Variants in ADGRL3 observed in about 807,000 individuals in gnomAD.
ADGRL3 encodes adhesion G protein-coupled receptor L3, also known as calcium-independent alpha-latrotoxin receptor 3.
ADGRL3 carries 62 observed loss-of-function variants against 153.5 expected under a neutral mutation model. The ratio of observed to expected loss-of-function variants is 0.40; its 90% CI spans 0.33 to 0.50. The LOEUF (loss-of-function observed/expected upper bound fraction) is 0.50, where lower values mean the gene tolerates loss of function less well. ADGRL3 is among the 20% of genes least tolerant of loss of function. The probability of loss-of-function intolerance (pLI) is 0.47; values close to 1 mark genes in which losing one functional copy is unlikely to be tolerated. For missense variants in ADGRL3, 1,641 were observed against 1,859.4 expected (o/e 0.88, Z 2.16); for synonymous variants, 710 against 672.5 (o/e 1.06, Z -0.86).
intron 1 of ADGRL3, among the ~76,000 whole-genome samples, chr4:61,240,635 T>A (rs537667517): frequency 2.0e-5 from 3 of 152,266 alleles, no homozygotes; most frequent in East Asian, 1.9e-4. Flanking sequence ...TCGATTTTTT[T>A]AAACAAATTT....
At chr4:61,775,541 C>T (rs2097138153) in intron 8 of ADGRL3, 2 of 795,062 alleles carry the variant, frequency 2.5e-6, no homozygotes, top group Admixed American at 3.4e-5. Context: ...CAACCAACCA[C>T]TTTATGAGGC....
chr4:61,424,780 G>A (rs1048418591), intron 2 of ADGRL3, among the ~76,000 whole-genome samples: 1 of 152,164 alleles, frequency 6.6e-6, no homozygotes, highest in Non-Finnish European at 1.5e-5. Flanking sequence ...GGGCCAAGCT[G>A]TGTGCTCTGC....
At chr4:61,707,326 C>A (rs537664522) in intron 6 of ADGRL3, among the ~76,000 whole-genome samples, 1 of 152,112 alleles carries the variant, frequency 6.6e-6, no homozygotes, top group South Asian at 2.1e-4. Context: ...AAAAACATGG[C>A]GCCAATTGAC....
At chr4:61,476,971 G>A (rs183427168) in intron 2 of ADGRL3, among the ~76,000 whole-genome samples, 85 of 151,386 alleles carry the variant, frequency 5.6e-4, no homozygotes, top group African/African-American at 1.8e-3. Flanking sequence ...TATGTAGTTA[G>A]TTATTTTGTT....
rs373508328 is a variant in ADGRL3, at chr4:61,961,034, A to G, written c.2805+12758A>G. ...AGTTTTTACATTAAAATAAATCTGTATTTTGCAATACAGGTCTTTACGTCT... is the reference window on the plus strand; with the variant it reads ...AGTTTTTACATTAAAATAAATCTGTGTTTTGCAATACAGGTCTTTACGTCT... On this transcript the variant is annotated intron_variant, in intron 17 of 26. Coordinates refer to ENST00000683033, the MANE Select transcript of ADGRL3 (RefSeq NM_001387552.1). Among the ~76,000 whole-genome samples, 3 of 152,016 alleles carry G rather than the reference A, an allele frequency of 2.0e-5. No individual in the cohort carries two copies. In the South Asian group the frequency reaches 6.2e-4, roughly 32 times the overall value.
At chr4:61,667,647 C>G (rs549917746) in intron 5 of ADGRL3, among the ~76,000 whole-genome samples, 1 of 152,264 alleles carries the variant, frequency 6.6e-6, no homozygotes, top group South Asian at 2.1e-4. Flanking sequence ...CCATAAAATG[C>G]TTTAAAAGTT....
intron 21 of ADGRL3, among the ~76,000 whole-genome samples, chr4:62,009,845 C>T (rs953696671): frequency 6.6e-6 from 1 of 152,146 alleles, no homozygotes; most frequent in East Asian, 1.9e-4. Context: ...ACATTTTGCT[C>T]AGGCCACTAC....
chr4:61,773,035 T>C (rs1395466484), intron 8 of ADGRL3, among the ~76,000 whole-genome samples: 4 of 152,210 alleles, frequency 2.6e-5, no homozygotes, highest in African/African-American at 9.6e-5. Context: ...TGCAAAGACA[T>C]GCATAAGGTG....
intron 21 of ADGRL3, among the ~76,000 whole-genome samples, chr4:62,006,528 G>T (rs2099159816): frequency 6.6e-6 from 1 of 150,494 alleles, no homozygotes; most frequent in Non-Finnish European, 1.5e-5. Flanking sequence ...TGAGTTGGAA[G>T]TTGGAGTAGT....
chr4:61,616,747 A>T (rs556048547), intron 5 of ADGRL3, among the ~76,000 whole-genome samples: 1 of 152,354 alleles, frequency 6.6e-6, no homozygotes, highest in Non-Finnish European at 1.5e-5. Flanking sequence ...AATATAAAAA[A>T]ATTAAACTTC....
intron 5 of ADGRL3, among the ~76,000 whole-genome samples, chr4:61,665,420 C>T (rs188351501): frequency 1.6e-4 from 24 of 151,912 alleles, no homozygotes; most frequent in Admixed American, 7.2e-4. Context: ...AAAACAAAAA[C>T]GAAAACAAAA....
chr4:61,825,484 A>AT (rs2097792196), intron 9 of ADGRL3, among the ~76,000 whole-genome samples: 1 of 152,186 alleles, frequency 6.6e-6, no homozygotes. Flanking sequence ...AGTTTTCAAT[A>AT]TTTTTATCCT....
chr4:61,609,950 AG>A (rs1260020840), intron 5 of ADGRL3, among the ~76,000 whole-genome samples: 1 of 152,016 alleles, frequency 6.6e-6, no homozygotes, highest in African/African-American at 2.4e-5. Context: ...TGTCATGCAC[AG>A]GGTGGTTTGT....
At chr4:62,053,031 G>A (rs1373571300) in intron 25 of ADGRL3, among the ~76,000 whole-genome samples, 4 of 151,306 alleles carry the variant, frequency 2.6e-5, no homozygotes, top group Non-Finnish European at 4.4e-5. Flanking sequence ...CTCTCATCTG[G>A]AAAAATGTTC....
intron 5 of ADGRL3, among the ~76,000 whole-genome samples, chr4:61,637,653 C>T (rs532139943): frequency 2.5e-3 from 380 of 152,172 alleles, no homozygotes; most frequent in Non-Finnish European, 4.1e-3. Flanking sequence ...TCCAGCTACT[C>T]GTGAGGCTGA....
In ADGRL3 at chr4:61,201,456, G is replaced by A. The variant is rs1335300022; in HGVS notation, c.-549G>A. 6.6e-6 allele frequency: 1 copy of A among 152,294 alleles called. No homozygotes were observed. Among genetic ancestry groups the A allele is most frequent in the African/African-American group, 2.4e-5 (1 of 41,452 alleles). The allele number at this position is 152,294 out of a possible 1,614,324, so 9.4% of individuals were successfully genotyped here. On this transcript the variant is annotated 5_prime_UTR_variant, in exon 1 of 27. In the 5' UTR this introduces an upstream ATG that the reference lacks. Coordinates refer to ENST00000683033, the MANE Select transcript of ADGRL3 (RefSeq NM_001387552.1). Reference sequence around the variant, plus strand: ...CGCTCCCCTTTTGCCCCCTTGGGGTGTGTGAAGCGAGGAACGTAAAGGAAG... The same window carrying A: ...CGCTCCCCTTTTGCCCCCTTGGGGTATGTGAAGCGAGGAACGTAAAGGAAG...
intron 21 of ADGRL3, among the ~76,000 whole-genome samples, chr4:62,024,303 T>C (rs553193111): frequency 6.6e-6 from 1 of 152,130 alleles, no homozygotes; most frequent in Non-Finnish European, 1.5e-5. Flanking sequence ...GCAATATTGA[T>C]ATGGATCATT....
At chr4:61,965,713 TG>T (rs1364355626) in intron 17 of ADGRL3, among the ~76,000 whole-genome samples, 2 of 151,810 alleles carry the variant, frequency 1.3e-5, no homozygotes, top group African/African-American at 4.8e-5. Context: ...ATCATGCCAC[TG>T]CACTCCAGTC....
chr4:61,947,140 T>C lies in ADGRL3; in HGVS notation c.2628+18T>C. The C allele has an allele frequency of 6.3e-7, 1 of 1,585,174 alleles. No homozygotes were observed. Among genetic ancestry groups the C allele is most frequent in the Non-Finnish European group, 8.7e-7 (1 of 1,154,194 alleles). On this transcript the variant is annotated intron_variant, in intron 16 of 26. Transcript: ENST00000683033. The stretch of plus-strand genomic sequence containing the variant: ...ATATCAAGGTAAGAAAATGGCATAT[T>C]AGCTTGGTTGTTCATATTATCTGTA...
Sources: allele counts gnomAD v4.1 joint callset (sites outside exome capture counted in the v4.1 genomes callset), GRCh38; gene constraint gnomAD v4.1.1; transcripts MANE v1.5; gene names NCBI Gene and HGNC (gene_info 2026-07-23, HGNC 2026-07-21).